The following KANSL2 variants were observed in gnomAD, a reference collection of about 807,000 sequenced individuals.
KANSL2 encodes NSL complex protein NSL2.
In KANSL2, 34 loss-of-function variants were observed where a neutral mutation model predicts 55.6. The observed-to-expected ratio is 0.61, with a 90% CI of 0.46 to 0.81. The LOEUF is 0.81. Ranked by LOEUF, KANSL2 falls within the 40% of genes least tolerant of loss-of-function variation. The pLI is 0.00. For synonymous variants in KANSL2, 209 were observed against 214.3 expected (o/e 0.98, Z 0.22); for missense variants, 502 against 609.9 (o/e 0.82, Z 1.86).
chr12:48,674,245 A>G (rs1939780683), intron 4 of KANSL2, among the ~76,000 whole-genome samples: 1 of 152,126 alleles, frequency 6.6e-6, no homozygotes. Flanking sequence ...GGTTCAAGCA[A>G]TTCTCGTGCC....
rs537538309 is a variant in KANSL2 at position 48,681,377 on chromosome 12, T to C, written c.251+5A>G. 22 of 1,610,148 alleles carry C rather than the reference T, an allele frequency of 1.4e-5. No homozygotes were observed. The East Asian group carries it at 2.2e-4, about 16-fold the overall frequency. On this transcript the variant is annotated splice_donor_5th_base_variant and intron_variant, in intron 2 of 9. Coordinates refer to ENST00000420613, the MANE Select transcript of KANSL2 (RefSeq NM_017822.4). ...AAAACGACATATATATCTATACATA[T>C]ATACCCATCTTTCTTCTCTGGCTTT...
At chr12:48,679,992 A>ACTC (rs1332768115) in intron 2 of KANSL2, 159 bp from the exon 3 acceptor site, 2 of 624,232 alleles carry the variant, frequency 3.2e-6, no homozygotes, top group East Asian at 5.7e-5. Context: ...CCCAAGGTCA[A>ACTC]CTCATTTGAC....
In KANSL2 at chr12:48,653,995, G is replaced by A. The variant is rs754012984; in HGVS notation, c.*49C>T. ...GAGAGATGATCAGAAATACTTCTTT[G>A]AAGAACGAGAAATTTAAATCCACCA... On this transcript the variant is annotated 3_prime_UTR_variant, in exon 10 of 10. Transcript: ENST00000420613. The A allele has an allele frequency of 6.9e-5, 104 of 1,515,212 alleles. No homozygotes were observed. The highest frequency in any genetic ancestry group is 2.3e-4 in the Middle Eastern group (1 of 4,386). The allele number at this position is 1,515,212 out of a possible 1,614,324, so 93.9% of individuals were successfully genotyped here. A position where few individuals can be genotyped will look rare whatever the true frequency, so the allele number is the denominator to read the frequency against.
At chr12:48,668,010 T>C (rs1240799582) in intron 6 of KANSL2, among the ~76,000 whole-genome samples, 1 of 152,180 alleles carries the variant, frequency 6.6e-6, no homozygotes, top group African/African-American at 2.4e-5. Context: ...ATTCTAAAAG[T>C]GTGATATAGC....
At chr12:48,662,620 A>G (rs1939508748) in intron 7 of KANSL2, 1 of 1,288,024 alleles carries the variant, frequency 7.8e-7, no homozygotes, top group Non-Finnish European at 1.0e-6. Flanking sequence ...CACAGTAAAG[A>G]GTTAACAGGT....
intron 1 of KANSL2, 87 bp downstream of exon 1, chr12:48,682,100 A>G (rs1268334614): frequency 2.8e-6 from 2 of 702,990 alleles, no homozygotes; most frequent in East Asian, 5.4e-5. Context: ...CACTGCTTTG[A>G]GGCGGAGTAG....
chr12:48,654,761 T>C (rs1349967227), intron 9 of KANSL2, among the ~76,000 whole-genome samples, 180 bp downstream of exon 9: 1 of 152,014 alleles, frequency 6.6e-6, no homozygotes, highest in African/African-American at 2.4e-5. Context: ...AGGAGCAGAG[T>C]AGGGCATTTT....
chr12:48,662,863 A>G (rs1939514308), intron 7 of KANSL2, among the ~76,000 whole-genome samples: 2 of 152,024 alleles, frequency 1.3e-5, no homozygotes, highest in Non-Finnish European at 2.9e-5. Flanking sequence ...TTTCCCTTAT[A>G]AAAGTAATTC....
chr12:48,654,941 C>G lies in KANSL2; in HGVS notation c.1347G>C (p.Leu449Phe). 6.4e-7 allele frequency: 1 copy of G among 1,562,256 alleles called. No homozygotes were observed. Among genetic ancestry groups the G allele is most frequent in the Non-Finnish European group, 8.7e-7 (1 of 1,152,904 alleles). The change falls in exon 9 of 10, where the codon TTG becomes TTC. Residue 449 changes from leucine (L) to phenylalanine (F), a missense_variant and splice_region_variant. Physicochemically the swap from Leu to Phe is conservative, Grantham distance 22. Transcript: ENST00000420613. Reference sequence around the variant, plus strand: ...ACAGGTGGGACTGTTCTTCACTTGCCAAAATATCCACTGGGTCTTCAGCAA... The same window carrying G: ...ACAGGTGGGACTGTTCTTCACTTGCGAAAATATCCACTGGGTCTTCAGCAA... ...KEIAEDPVDI[L>F]GQMQMAGDGC...
Position 48,679,141 on chromosome 12 carries a change from C to G in KANSL2, c.440G>C (p.Ser147Thr). 1.2e-6 allele frequency: 2 copies of G among 1,612,318 alleles called. No individual in the cohort carries two copies. Among genetic ancestry groups the G allele is most frequent in the South Asian group, 2.2e-5 (2 of 90,958 alleles). ...GGGTTCCTGCTCCCCATCACTCCAG[C>G]TGTCTTCATCTGAGGCAAGGAAGGG... ...SEASRILDED[S>T]WSDGEQEPIT... The change falls in exon 4 of 10, where the codon AGC becomes ACC. Residue 147 changes from serine (S) to threonine (T), a missense_variant. Ser to Thr is a moderately conservative substitution (Grantham distance 58, BLOSUM62 1). Coordinates refer to ENST00000420613, the MANE Select transcript of KANSL2 (RefSeq NM_017822.4).
chr12:48,658,511 T>C (rs1939431388), intron 8 of KANSL2: 1 of 152,226 alleles, frequency 6.6e-6, no homozygotes, highest in African/African-American at 2.4e-5. Context: ...TCTCAGCACT[T>C]TGGGGAAGCT....
intron 5 of KANSL2, among the ~76,000 whole-genome samples, chr12:48,671,109 A>T (rs1164992725): frequency 6.6e-6 from 1 of 151,956 alleles, no homozygotes; most frequent in Non-Finnish European, 1.5e-5. Flanking sequence ...TACTAAAAAT[A>T]AAAAAATTAG....
chr12:48,666,452 G>A (rs61942048), intron 7 of KANSL2, among the ~76,000 whole-genome samples: 33,945 of 151,632 alleles, frequency 0.22, 4,786 homozygotes, highest in Non-Finnish European at 0.33. Flanking sequence ...CAACACTTTG[G>A]GAGGCCGAGG....
intron 7 of KANSL2, among the ~76,000 whole-genome samples, chr12:48,664,902 T>TA (rs1481495650): frequency 6.8e-6 from 1 of 147,886 alleles, no homozygotes; most frequent in African/African-American, 2.5e-5. Flanking sequence ...TTTTTTTTTT[T>TA]TAGAGACAGG....
intron 7 of KANSL2, 100 bp downstream of exon 7, chr12:48,667,593 A>G (rs757096931): frequency 1.2e-5 from 12 of 980,486 alleles, no homozygotes; most frequent in Non-Finnish European, 2.0e-5. Flanking sequence ...TTCAGGGCCA[A>G]AGGAAAACAA....
intron 8 of KANSL2, among the ~76,000 whole-genome samples, chr12:48,659,925 G>A (rs969762801): frequency 3.9e-5 from 6 of 152,180 alleles, no homozygotes; most frequent in Non-Finnish European, 8.8e-5. Context: ...ACATTGATAT[G>A]AAATGTCCAG....
At chr12:48,667,908 A>G in intron 6 of KANSL2, 119 bp from the exon 7 acceptor site, 1 of 728,002 alleles carries the variant, frequency 1.4e-6, no homozygotes, top group Non-Finnish European at 2.3e-6. Context: ...TTTAACAAAA[A>G]TAGATTCACC....
chr12:48,682,008 A>G (rs1347945042), intron 1 of KANSL2, 179 bp downstream of exon 1: 1 of 703,004 alleles, frequency 1.4e-6, no homozygotes. Context: ...TCGGAAGCCT[A>G]TGCGAGCGCC....
At chr12:48,670,981 A>G (rs1035874501) in intron 5 of KANSL2, among the ~76,000 whole-genome samples, 9 of 152,134 alleles carry the variant, frequency 5.9e-5, no homozygotes, top group African/African-American at 1.9e-4. Flanking sequence ...AAAAGCTTAT[A>G]GGCCAGGCGC....
Sources: gnomAD v4.1 joint callset for allele counts (sites outside exome capture counted in the v4.1 genomes callset) on GRCh38, gnomAD v4.1.1 for gene constraint, MANE v1.5 for transcripts, NCBI Gene and HGNC (gene_info 2026-07-23, HGNC 2026-07-21) for gene names.